INO80: variants seen among roughly 807,000 people sequenced by gnomAD.
INO80 encodes the protein INO80 complex ATPase subunit.
INO80 carries 20 observed loss-of-function variants against 203.4 expected under a neutral mutation model. The observed-to-expected ratio is 0.10, with a 90% CI of 0.07 to 0.14. The LOEUF (loss-of-function observed/expected upper bound fraction) is 0.14, where lower values mean the gene tolerates loss of function less well. INO80 is among the 10% of genes least tolerant of loss of function. INO80 has a pLI of 1.00. For missense variants in INO80, 1,419 were observed against 1,914.4 expected (o/e 0.74, Z 4.83); for synonymous variants, 726 against 685.2 (o/e 1.06, Z -0.93).
intron 35 of INO80, 86 bp from the exon 36 acceptor site, chr15:40,980,526 A>C (rs1478132144): frequency 1.0e-6 from 1 of 982,274 alleles, no homozygotes; most frequent in African/African-American, 1.6e-5. Context: ...CCAGAGTCTG[A>C]GCTGGAGGAG....
chr15:41,058,432 G>A (rs1056463193), intron 16 of INO80, among the ~76,000 whole-genome samples: 49 of 152,120 alleles, frequency 3.2e-4, no homozygotes, highest in African/African-American at 1.1e-3. Flanking sequence ...AGGCCGATGC[G>A]AGAGGATCGC....
chr15:41,015,271 T>A (rs548943795), intron 27 of INO80, among the ~76,000 whole-genome samples: 7 of 152,294 alleles, frequency 4.6e-5, no homozygotes, highest in African/African-American at 1.7e-4. Context: ...CTTTTAAATA[T>A]CCTGATGCCC....
intron 28 of INO80, among the ~76,000 whole-genome samples, chr15:41,003,941 T>A (rs1450543681): frequency 6.6e-6 from 1 of 152,184 alleles, no homozygotes; most frequent in Non-Finnish European, 1.5e-5. Flanking sequence ...GCACATAAGA[T>A]TCTTGTCAAG....
At chr15:40,999,275 A>G (rs1440025503) in intron 28 of INO80, 2 of 152,210 alleles carry the variant, frequency 1.3e-5, no homozygotes. Flanking sequence ...CCTTCAGGCT[A>G]TTCTTCCTTG....
At chr15:40,995,861 C>A (rs2043874036) in intron 29 of INO80, among the ~76,000 whole-genome samples, 1 of 152,200 alleles carries the variant, frequency 6.6e-6, no homozygotes, top group Non-Finnish European at 1.5e-5. Context: ...ACAACACATG[C>A]CACACTGACA....
intron 24 of INO80, among the ~76,000 whole-genome samples, chr15:41,035,247 G>C (rs1007784291): frequency 2.0e-5 from 3 of 152,178 alleles, no homozygotes; most frequent in African/African-American, 4.8e-5. Context: ...AATGGGATCA[G>C]CATGGAAATA....
rs967778088 is a variant in INO80 at position 41,061,622 on chromosome 15, CA to C, written c.1783-1697del. Among the ~76,000 whole-genome samples the C allele has an allele frequency of 7.4e-4, 110 of 149,458 alleles. No homozygotes were observed. In the Middle Eastern group the frequency reaches 0.014, roughly 19 times the overall value. ...TGGGCGACAGAGTGAGACTGTGTTT[CA>C]AAAAAATAAATAAAATAAAAAAATT... On this transcript the variant is annotated intron_variant, in intron 14 of 35. Transcript: ENST00000648947.
intron 17 of INO80, among the ~76,000 whole-genome samples, chr15:41,055,906 T>C (rs2044974225): frequency 6.6e-6 from 1 of 151,848 alleles, no homozygotes; most frequent in African/African-American, 2.4e-5. Flanking sequence ...CTATAAAATA[T>C]ATACTATCTG....
intron 1 of INO80, among the ~76,000 whole-genome samples, chr15:41,114,403 T>A (rs572721149): frequency 6.6e-6 from 1 of 152,212 alleles, no homozygotes; most frequent in South Asian, 2.1e-4. Context: ...GAACAGAATA[T>A]TATTTGGCAT....
intron 29 of INO80, among the ~76,000 whole-genome samples, chr15:40,996,476 C>T (rs1388420656): frequency 6.6e-6 from 1 of 151,776 alleles, no homozygotes; most frequent in Non-Finnish European, 1.5e-5. Flanking sequence ...CATGTGTCAC[C>T]ACGCCCGGCT....
At chr15:41,052,752 C>T (rs531017381) in intron 19 of INO80, among the ~76,000 whole-genome samples, 1 of 148,336 alleles carries the variant, frequency 6.7e-6, no homozygotes, top group East Asian at 2.0e-4. Flanking sequence ...AGGTCGGGCA[C>T]AGTGGCTCAC....
intron 24 of INO80, among the ~76,000 whole-genome samples, chr15:41,031,804 C>A (rs1894661717): frequency 6.6e-6 from 1 of 152,030 alleles, no homozygotes; most frequent in Non-Finnish European, 1.5e-5. Context: ...ATAATATGCA[C>A]ACAGTAGTGA....
At chr15:41,060,182 C>T (rs191115342) in intron 14 of INO80, among the ~76,000 whole-genome samples, 112 of 152,278 alleles carry the variant, frequency 7.4e-4, no homozygotes, top group African/African-American at 2.6e-3. Context: ...CAGAAAACAA[C>T]GGAAGCCCAG....
rs145592306 is a variant in INO80 at position 41,078,327 on chromosome 15, T to C, written c.1131+1374A>G. On this transcript the variant is annotated intron_variant, in intron 9 of 35. Coordinates refer to ENST00000648947, the MANE Select transcript of INO80 (RefSeq NM_017553.3). ...TCAAAGAAAAATGCATAAGTCAGCA[T>C]AACCATCAGTTAGCTATCAACATAA... Among the ~76,000 whole-genome samples the C allele has an allele frequency of 4.3e-3, 651 of 152,320 alleles. 5 individuals are homozygous for C. Among genetic ancestry groups the C allele is most frequent in the Admixed American group, 6.0e-3 (92 of 15,286 alleles).
intron 17 of INO80, among the ~76,000 whole-genome samples, chr15:41,055,989 G>A (rs989191275): frequency 7.3e-6 from 1 of 136,816 alleles, no homozygotes; most frequent in African/African-American, 2.7e-5. Flanking sequence ...CTGTTGCCCA[G>A]GCTGGCATAC....
intron 5 of INO80, among the ~76,000 whole-genome samples, 199 bp from the exon 6 acceptor site, chr15:41,087,881 TAAC>T (rs1277779648): frequency 6.6e-6 from 1 of 152,126 alleles, no homozygotes; most frequent in Non-Finnish European, 1.5e-5. Context: ...CCTATACACG[TAAC>T]AAGTCACTGA....
Position 41,045,001 on chromosome 15 carries a change from C to G in INO80, c.2810G>C (p.Gly937Ala), listed in dbSNP as rs751490061. ...CCTCAGGTATCTCTGGTGGCTCTCCCCTTCTGGCGCTCCCCAGGAGCGTAG... is the reference window on the plus strand; with the variant it reads ...CCTCAGGTATCTCTGGTGGCTCTCCGCTTCTGGCGCTCCCCAGGAGCGTAG... ...HQLRSWGAPE[G>A]ESHQRYLRNK... is the part of the protein sequence containing the mutation. The change falls in exon 24 of 36, where the codon GGG becomes GCG. Residue 937 changes from glycine (G) to alanine (A), a missense_variant. Transcript: ENST00000648947. 8 of 1,613,868 alleles carry G rather than the reference C, an allele frequency of 5.0e-6. No individual in the cohort carries two copies. In the African/African-American group the frequency reaches 8.0e-5, roughly 16 times the overall value.
chr15:41,088,047 C>T (rs950376038), intron 5 of INO80, among the ~76,000 whole-genome samples: 2 of 150,878 alleles, frequency 1.3e-5, no homozygotes, highest in East Asian at 1.9e-4. Flanking sequence ...CTATTACCAA[C>T]AGTTCCTCAG....
chr15:41,024,554 C>T (rs931155614), intron 25 of INO80: 2 of 152,328 alleles, frequency 1.3e-5, no homozygotes, highest in African/African-American at 4.8e-5. Context: ...CCCCCTTAAG[C>T]GTTCAGCGCG....
Sources: allele counts gnomAD v4.1 joint callset (sites outside exome capture counted in the v4.1 genomes callset), GRCh38; gene constraint gnomAD v4.1.1; transcripts MANE v1.5; gene names NCBI Gene and HGNC (gene_info 2026-07-23, HGNC 2026-07-21).